The following DGKB variants were observed in gnomAD, a reference collection of about 807,000 sequenced individuals.
DGKB encodes diacylglycerol kinase beta, also known as 90 kDa diacylglycerol kinase.
DGKB carries 67 observed loss-of-function variants against 114.3 expected under a neutral mutation model. The observed-to-expected ratio is 0.59, with a 90% CI of 0.48 to 0.72. The LOEUF (loss-of-function observed/expected upper bound fraction) is 0.72. Ranked by LOEUF, DGKB falls within the 30% of genes least tolerant of loss-of-function variation. The pLI, the probability that DGKB is intolerant of heterozygous loss-of-function variation, is 0.00. For synonymous variants in DGKB, 398 were observed against 323.1 expected (o/e 1.23, Z -2.49); for missense variants, 907 against 975.2 (o/e 0.93, Z 0.93).
rs34283340 is a variant in DGKB, at chr7:14,438,925, C to CT, written c.1835+39235dup. Among the ~76,000 whole-genome samples, 441 of 146,972 alleles carry CT rather than the reference C, an allele frequency of 3.0e-3. 1 individual carries two copies. The highest frequency in any genetic ancestry group is 7.4e-3 in the African/African-American group (299 of 40,322). ...CTCCCTAACCTTTAAATTTCTAAGA[C>CT]TTTTTTTTTTTAACATTTCAAATCC... On this transcript the variant is annotated intron_variant, in intron 21 of 25. Transcript: ENST00000402815.
chr7:14,846,294 G>C (rs1186726450), intron 1 of DGKB, among the ~76,000 whole-genome samples: 1 of 152,092 alleles, frequency 6.6e-6, no homozygotes, highest in Non-Finnish European at 1.5e-5. Context: ...GTAAGCCATT[G>C]GTTTCTCATA....
At chr7:14,287,959 T>C (rs1052599277) in intron 23 of DGKB, among the ~76,000 whole-genome samples, 1 of 152,112 alleles carries the variant, frequency 6.6e-6, no homozygotes, top group African/African-American at 2.4e-5. Flanking sequence ...CCTGTTGGAA[T>C]ACACTGGACC....
At chr7:14,557,745 C>T (rs1025950390) in intron 20 of DGKB, among the ~76,000 whole-genome samples, 1 of 151,528 alleles carries the variant, frequency 6.6e-6, no homozygotes, top group African/African-American at 2.4e-5. Flanking sequence ...TTAAATGATG[C>T]TTATGGAAAT....
chr7:14,236,212 A>T (rs1435857355), intron 23 of DGKB, among the ~76,000 whole-genome samples: 1 of 152,028 alleles, frequency 6.6e-6, no homozygotes, highest in East Asian at 1.9e-4. Context: ...TTAAAAAATT[A>T]TAATTATTAC....
chr7:14,320,476 T>C (rs552286475), intron 23 of DGKB, among the ~76,000 whole-genome samples: 3 of 152,274 alleles, frequency 2.0e-5, no homozygotes, highest in South Asian at 4.1e-4. Context: ...GATTCTCTTA[T>C]TGAAGTGTGT....
intron 4 of DGKB, among the ~76,000 whole-genome samples, chr7:14,750,916 G>A (rs1834033078): frequency 7.0e-6 from 1 of 143,480 alleles, no homozygotes. Flanking sequence ...TGATTCTCCT[G>A]CCTCAGCCTC....
chr7:14,289,511 A>T (rs1189642545), intron 23 of DGKB, among the ~76,000 whole-genome samples: 1 of 152,176 alleles, frequency 6.6e-6, no homozygotes, highest in African/African-American at 2.4e-5. Context: ...TCTATTTAGA[A>T]GATGATGTAT....
rs1562868972 is a variant in DGKB at position 14,910,262 on chromosome 7, GAAAGAA to G, written c.-188+64428_-188+64433del. ...TCAAAAAAAGAAAGAAAGAAAGAAAGAAAGAAAGAAAGAAAGAAAGAAAGAAAGAAA... is the reference window on the plus strand; with the variant it reads ...TCAAAAAAAGAAAGAAAGAAAGAAAGAGAAAGAAAGAAAGAAAGAAAGAAA... On this transcript the variant is annotated intron_variant, in intron 1 of 4. Coordinates refer to the DGKB transcript ENST00000437998. Among the ~76,000 whole-genome samples the G allele has an allele frequency of 6.9e-3, 801 of 116,814 alleles. 17 individuals carry two copies. Among genetic ancestry groups the G allele is most frequent in the African/African-American group, 0.028 (762 of 27,344 alleles). 76.6% of individuals were successfully genotyped at this position (116,814 alleles called of 152,430 possible). A position where few individuals can be genotyped will look rare whatever the true frequency, so the allele number is the denominator to read the frequency against.
chr7:14,455,249 G>A (rs1407893626), intron 21 of DGKB, among the ~76,000 whole-genome samples: 6 of 151,956 alleles, frequency 3.9e-5, no homozygotes, highest in Non-Finnish European at 2.9e-5. Flanking sequence ...AGAGAGCTTG[G>A]AACATTCTGA....
At chr7:14,253,506 C>G (rs1795540683) in intron 23 of DGKB, among the ~76,000 whole-genome samples, 1 of 152,148 alleles carries the variant, frequency 6.6e-6, no homozygotes, top group Non-Finnish European at 1.5e-5. Context: ...GCCCTATTGC[C>G]TAATCTTAAT....
intron 2 of DGKB, among the ~76,000 whole-genome samples, chr7:14,789,924 T>C (rs1840429681): frequency 1.3e-5 from 2 of 152,172 alleles, no homozygotes; most frequent in African/African-American, 4.8e-5. Flanking sequence ...GGATGACTGA[T>C]ACAGTGTCTC....
At chr7:14,243,193 T>C (rs1442694875) in intron 23 of DGKB, among the ~76,000 whole-genome samples, 2 of 152,156 alleles carry the variant, frequency 1.3e-5, no homozygotes, top group Non-Finnish European at 2.9e-5. Flanking sequence ...GAACACTTGC[T>C]TATTGCTTTG....
chr7:14,275,402 G>C (rs998560110), intron 23 of DGKB, among the ~76,000 whole-genome samples: 15 of 152,068 alleles, frequency 9.9e-5, no homozygotes, highest in Non-Finnish European at 2.9e-5. Context: ...AAAGTCCTTG[G>C]TCACAATTTG....
At chr7:14,789,975 TTAGCTATTCTAA>T (rs1382689760) in intron 2 of DGKB, among the ~76,000 whole-genome samples, 1 of 152,198 alleles carries the variant, frequency 6.6e-6, no homozygotes, top group African/African-American at 2.4e-5. Flanking sequence ...CAATTTTTGT[TTAGCTATTCTAA>T]TAGCTGAATA....
At chr7:14,253,246 G>C (rs571228618) in intron 23 of DGKB, among the ~76,000 whole-genome samples, 1 of 151,972 alleles carries the variant, frequency 6.6e-6, no homozygotes, top group Admixed American at 6.6e-5. Flanking sequence ...TATTGGCCAG[G>C]CTGGTCTCGA....
intron 1 of DGKB, among the ~76,000 whole-genome samples, chr7:14,847,937 G>T (rs550869585): frequency 7.9e-5 from 12 of 152,270 alleles, no homozygotes; most frequent in African/African-American, 2.6e-4. Context: ...AAGAAGTAAA[G>T]GAGCACATGA....
intron 20 of DGKB, among the ~76,000 whole-genome samples, chr7:14,513,757 T>C (rs1788342674): frequency 6.6e-6 from 1 of 152,020 alleles, no homozygotes; most frequent in Admixed American, 6.6e-5. Flanking sequence ...CTCCCTAGGA[T>C]GTAGAATAAT....
chr7:14,375,664 C>T (rs148490446), intron 21 of DGKB, among the ~76,000 whole-genome samples: 2 of 152,320 alleles, frequency 1.3e-5, no homozygotes, highest in East Asian at 3.9e-4. Context: ...CTTGAGTGCT[C>T]TATTTAAAAT....
At chr7:14,868,318 C>T (rs1404589368) in intron 1 of DGKB, among the ~76,000 whole-genome samples, 1 of 144,742 alleles carries the variant, frequency 6.9e-6, no homozygotes, top group African/African-American at 2.5e-5. Context: ...ACTTCACAGA[C>T]TTTCTTTTTT....
Sources: gnomAD v4.1 joint callset for allele counts (sites outside exome capture counted in the v4.1 genomes callset) on GRCh38, gnomAD v4.1.1 for gene constraint, MANE v1.5 for transcripts, NCBI Gene and HGNC (gene_info 2026-07-23, HGNC 2026-07-21) for gene names.